Variants in SPAG16 observed in about 807,000 individuals in gnomAD.
SPAG16 encodes the protein sperm-associated antigen 16 protein.
In SPAG16, 86 loss-of-function variants were observed where a neutral mutation model predicts 80.4. The ratio of observed to expected loss-of-function variants is 1.07; its 90% confidence interval spans 0.90 to 1.28. The LOEUF (loss-of-function observed/expected upper bound fraction) is 1.28. Among genes scored for constraint, SPAG16 ranks in the 50% most tolerant of loss-of-function variants. The probability of loss-of-function intolerance (pLI) is 0.00; values close to 1 mark genes in which losing one functional copy is unlikely to be tolerated. For missense variants in SPAG16, 870 were observed against 765.3 expected, an observed-to-expected ratio of 1.14 and a Z score of -1.61; for synonymous variants, 294 against 265.9, an observed-to-expected ratio of 1.11 and a Z score of -1.03.
At chr2:214,026,501 C>T (rs1173518047) in intron 13 of SPAG16, among the ~76,000 whole-genome samples, 1 of 151,500 alleles carries the variant, frequency 6.6e-6, no homozygotes. Context: ...TAAGTATGGA[C>T]ACACGTATAA....
At chr2:214,209,848 A>G (rs2058243679) in intron 15 of SPAG16, among the ~76,000 whole-genome samples, 1 of 151,988 alleles carries the variant, frequency 6.6e-6, no homozygotes, top group East Asian at 1.9e-4. Flanking sequence ...AAGGCCCCAT[A>G]CTCAAGTATA....
intron 9 of SPAG16, among the ~76,000 whole-genome samples, chr2:213,395,377 G>A (rs899851427): frequency 2.0e-5 from 3 of 151,884 alleles, no homozygotes; most frequent in African/African-American, 7.3e-5. Context: ...TTTCCTCTCA[G>A]CATTGTTTTT....
chr2:214,305,546 TG>T (rs1471130022), intron 15 of SPAG16, among the ~76,000 whole-genome samples: 1 of 152,226 alleles, frequency 6.6e-6, no homozygotes, highest in Non-Finnish European at 1.5e-5. Context: ...AATTAATTTT[TG>T]TATATACTAT....
intron 11 of SPAG16, among the ~76,000 whole-genome samples, chr2:213,916,787 C>T (rs2077992312): frequency 6.6e-6 from 1 of 152,126 alleles, no homozygotes; most frequent in Non-Finnish European, 1.5e-5. Context: ...TTGAGAAGCT[C>T]TTAAGTTTAA....
intron 10 of SPAG16, among the ~76,000 whole-genome samples, chr2:213,621,255 G>A (rs2061772502): frequency 6.6e-6 from 1 of 152,044 alleles, no homozygotes; most frequent in Non-Finnish European, 1.5e-5. Context: ...TTCTGACTGT[G>A]GTTGATCATG....
intron 13 of SPAG16, among the ~76,000 whole-genome samples, chr2:214,037,721 G>A (rs2048773505): frequency 6.6e-6 from 1 of 152,072 alleles, no homozygotes; most frequent in South Asian, 2.1e-4. Context: ...GATATTGATA[G>A]TTGTCATGCC....
chr2:214,056,216 C>T (rs1038263371), intron 13 of SPAG16, among the ~76,000 whole-genome samples: 1 of 151,274 alleles, frequency 6.6e-6, no homozygotes, highest in Non-Finnish European at 1.5e-5. Context: ...AATCCTGCAT[C>T]CTTTATTCAA....
At chr2:213,573,886 A>G (rs570113408) in intron 10 of SPAG16, among the ~76,000 whole-genome samples, 1 of 152,202 alleles carries the variant, frequency 6.6e-6, no homozygotes, top group Non-Finnish European at 1.5e-5. Context: ...GGCAACCTAA[A>G]CCAGTGTGAA....
intron 14 of SPAG16, among the ~76,000 whole-genome samples, chr2:214,147,662 C>G (rs1038643817): frequency 1.3e-5 from 2 of 152,178 alleles, no homozygotes; most frequent in African/African-American, 4.8e-5. Context: ...CCTCACAATT[C>G]TTATAATACA....
At chr2:214,093,597 G>A (rs1474007184) in intron 13 of SPAG16, among the ~76,000 whole-genome samples, 3 of 151,966 alleles carry the variant, frequency 2.0e-5, no homozygotes, top group Admixed American at 2.0e-4. Context: ...GCGTGTCTAT[G>A]GGTTGATGTT....
intron 10 of SPAG16, among the ~76,000 whole-genome samples, chr2:213,603,659 A>G (rs549560357): frequency 1.3e-5 from 2 of 152,358 alleles, no homozygotes; most frequent in Admixed American, 1.3e-4. Flanking sequence ...ATGAGATAGA[A>G]ATCGAATAAA....
At chr2:214,314,378 C>T (rs1426505749) in intron 15 of SPAG16, among the ~76,000 whole-genome samples, 1 of 152,122 alleles carries the variant, frequency 6.6e-6, no homozygotes, top group Admixed American at 6.6e-5. Flanking sequence ...TTTGGGAAAC[C>T]CCAAGTTTAT....
chr2:214,285,737 A>C (rs1693308068), intron 15 of SPAG16, among the ~76,000 whole-genome samples: 1 of 152,160 alleles, frequency 6.6e-6, no homozygotes, highest in Non-Finnish European at 1.5e-5. Context: ...TGGGAGGCGG[A>C]GGTTGCAGTG....
chr2:213,859,505 G>A (rs1462335857), intron 10 of SPAG16, among the ~76,000 whole-genome samples: 2 of 152,046 alleles, frequency 1.3e-5, no homozygotes, highest in Non-Finnish European at 2.9e-5. Context: ...TTACCTCAGG[G>A]CTTAATAATG....
At chr2:214,166,103 G>T (rs1452251956) in intron 15 of SPAG16, among the ~76,000 whole-genome samples, 1 of 152,118 alleles carries the variant, frequency 6.6e-6, no homozygotes, top group African/African-American at 2.4e-5. Flanking sequence ...TCATAAATGT[G>T]CATATAATGA....
At chr2:213,471,665 A>T (rs148538089) in intron 9 of SPAG16, among the ~76,000 whole-genome samples, 4 of 152,302 alleles carry the variant, frequency 2.6e-5, no homozygotes, top group African/African-American at 9.6e-5. Context: ...TTGCTGGGTC[A>T]TATGGCCCAA....
At chr2:214,021,023 ATAT>A (rs1163270874) in intron 13 of SPAG16, among the ~76,000 whole-genome samples, 3 of 152,120 alleles carry the variant, frequency 2.0e-5, no homozygotes, top group African/African-American at 7.2e-5. Flanking sequence ...ATGATTAATC[ATAT>A]TATTTTCAAA....
At chr2:214,278,891 AT>A (rs1023600860) in intron 15 of SPAG16, among the ~76,000 whole-genome samples, 14 of 152,192 alleles carry the variant, frequency 9.2e-5, no homozygotes, top group African/African-American at 3.4e-4. Flanking sequence ...TTTAACCTAA[AT>A]GTGGAACTGT....
intron 10 of SPAG16, among the ~76,000 whole-genome samples, chr2:213,808,965 A>G (rs115473998): frequency 0.015 from 2,343 of 152,266 alleles, 73 homozygotes; most frequent in African/African-American, 0.053. Flanking sequence ...AGTTTTATTG[A>G]AAAAAGGAGA....
Sources: gnomAD v4.1 joint callset for allele counts (sites outside exome capture counted in the v4.1 genomes callset) on GRCh38, gnomAD v4.1.1 for gene constraint, MANE v1.5 for transcripts, NCBI Gene and HGNC (gene_info 2026-07-23, HGNC 2026-07-21) for gene names.